Variants in ACAD8 observed in about 807,000 individuals in gnomAD.
ACAD8 encodes isobutyryl-CoA dehydrogenase, mitochondrial.
In ACAD8, 47 loss-of-function variants were observed where a neutral mutation model predicts 53.1. That is an observed-to-expected ratio of 0.89 (90% CI 0.70 to 1.13). The LOEUF (loss-of-function observed/expected upper bound fraction) is 1.13, where lower values mean the gene tolerates loss of function less well. Ranked by LOEUF, ACAD8 falls within the 50% of genes most tolerant of loss-of-function variation. ACAD8 has a pLI of 0.00. For synonymous variants in ACAD8, 198 were observed against 201.3 expected, an observed-to-expected ratio of 0.98 and a Z score of 0.14; for missense variants, 494 against 535.0, an observed-to-expected ratio of 0.92 and a Z score of 0.76.
chr11:134,256,978 G>T, intron 2 of ACAD8, 110 bp from the exon 3 acceptor site: 1 of 1,158,212 alleles, frequency 8.6e-7, no homozygotes, highest in Non-Finnish European at 1.3e-6. Flanking sequence ...CATATTAAGA[G>T]AATTCATACG....
intron 1 of ACAD8, 111 bp downstream of exon 1, chr11:134,253,820 C>G (rs1939277025): frequency 8.5e-7 from 1 of 1,175,630 alleles, no homozygotes; most frequent in Non-Finnish European, 1.2e-6. Flanking sequence ...CGTCAGCTCC[C>G]CTTCCGGCCA....
intron 10 of ACAD8, chr11:134,262,887 TAATG>T (rs1939979464): frequency 1.1e-5 from 15 of 1,358,888 alleles, no homozygotes; most frequent in Non-Finnish European, 1.4e-5. Context: ...TGAACTGAGA[TAATG>T]GATGAGAAAG....
At chr11:134,256,831 T>C (rs1429771069) in intron 2 of ACAD8, 183 bp downstream of exon 2, 2 of 681,930 alleles carry the variant, frequency 2.9e-6, no homozygotes, top group African/African-American at 1.8e-5. Flanking sequence ...TACATAACTT[T>C]TTTTTTGTTA....
In ACAD8 at chr11:134,261,547, T is replaced by G. The variant is rs2136082967; in HGVS notation, c.939+175T>G. 1 of 1,524,022 alleles carries G rather than the reference T, an allele frequency of 6.6e-7. No homozygotes were observed. Among genetic ancestry groups the G allele is most frequent in the Admixed American group, 2.0e-5 (1 of 50,880 alleles). 94.4% of individuals were successfully genotyped at this position (1,524,022 alleles called of 1,614,324 possible). On this transcript the variant is annotated intron_variant, in intron 8 of 10. Coordinates refer to ENST00000281182, the MANE Select transcript of ACAD8 (RefSeq NM_014384.3). This position sits in a 1 kb window ranked among gnomAD's most constrained non-coding sequence, Gnocchi z 4.2. ...TTTTCTTGGGATATCTTTAACGATA[T>G]TAAAGTGTCGGGTGAGTGAAGTGGA...
chr11:134,258,596 GT>G lies in ACAD8; in HGVS notation c.465del (p.Phe155LeufsTer19), dbSNP rs1489085165. Reference protein sequence around the residue: ...FCPPLCTMEKFASYCLTEPGS... With the variant: ...FCPPLCTMEKXASYCLTEPGS... ...GCCCACCGCTCTGTACCATGGAGAA[GT>G]TTGCTTCCTACTGCCTCACTGAACC... is the stretch of plus-strand genomic sequence containing the variant. On this transcript the variant is annotated frameshift_variant, in exon 4 of 11. Transcript: ENST00000281182. LOFTEE classifies it high-confidence loss of function. 1.7e-5 allele frequency: 27 copies of G among 1,613,968 alleles called. No homozygotes were observed. The highest frequency in any genetic ancestry group is 2.3e-5 in the Non-Finnish European group (27 of 1,179,938).
intron 1 of ACAD8, among the ~76,000 whole-genome samples, 178 bp downstream of exon 1, chr11:134,253,887 C>G (rs906077468): frequency 1.7e-4 from 25 of 150,800 alleles, no homozygotes; most frequent in African/African-American, 6.1e-4. Flanking sequence ...CTGGCTGCCC[C>G]CTCCGGTCGG....
chr11:134,258,585 A>G lies in ACAD8; in HGVS notation c.451A>G (p.Thr151Ala). The G allele has an allele frequency of 1.2e-6, 2 of 1,614,002 alleles. No homozygotes were observed. Among genetic ancestry groups the G allele is most frequent in the Non-Finnish European group, 1.7e-6 (2 of 1,179,974 alleles). ...GCACAAATTTTGCCCACCGCTCTGT[A>G]CCATGGAGAAGTTTGCTTCCTACTG... is the stretch of plus-strand genomic sequence containing the variant. The part of the protein sequence containing the change: ...QRHKFCPPLC[T>A]MEKFASYCLT... Residue 151 changes from threonine to alanine, a missense_variant, in exon 4 of 11, where the codon ACC (threonine) becomes GCC (alanine). Thr to Ala is a moderately conservative substitution (Grantham distance 58). Coordinates refer to ENST00000281182, the MANE Select transcript of ACAD8 (RefSeq NM_014384.3).
intron 10 of ACAD8, chr11:134,263,239 G>A: frequency 1.0e-6 from 1 of 1,004,460 alleles, no homozygotes; most frequent in Non-Finnish European, 1.2e-6. Context: ...TGGAAAAGCA[G>A]GAGGGGCAGA....
chr11:134,256,447 C>A, intron 1 of ACAD8, 101 bp from the exon 2 acceptor site: 1 of 870,464 alleles, frequency 1.1e-6, no homozygotes, highest in East Asian at 2.4e-5. Context: ...GGAAATACTA[C>A]AGTAGATCCA....
chr11:134,258,752 G>A (rs938362128), intron 4 of ACAD8, 128 bp downstream of exon 4: 1 of 805,630 alleles, frequency 1.2e-6, no homozygotes, highest in Non-Finnish European at 2.1e-6. Flanking sequence ...TGGTTGAGGA[G>A]TAATAGAGTC....
Position 134,261,432 on chromosome 11 carries a change from G to C in ACAD8, c.939+60G>C. The C allele has an allele frequency of 6.3e-7, 1 of 1,584,372 alleles. No homozygotes were observed. The highest frequency in any genetic ancestry group is 2.2e-5 in the East Asian group (1 of 44,692). ...TATTTGCAGCCCGGGACCTGCTCTA[G>C]GGCCCACATTTCCAGGAGAGAAGCC... On this transcript the variant is annotated intron_variant, in intron 8 of 10. Coordinates refer to ENST00000281182, the MANE Select transcript of ACAD8 (RefSeq NM_014384.3). The surrounding 1 kb of genome is among the most constrained non-coding windows in gnomAD (Gnocchi z 4.2).
At chr11:134,260,255 C>T (rs548649127) in intron 6 of ACAD8, 30 of 1,023,932 alleles carry the variant, frequency 2.9e-5, no homozygotes, top group East Asian at 1.6e-4. Context: ...TAAGAGCCGC[C>T]ATGGCCAGGG....
At chr11:134,263,001 A>G (rs1471934738) in intron 10 of ACAD8, 1 of 1,204,278 alleles carries the variant, frequency 8.3e-7, no homozygotes, top group Non-Finnish European at 1.1e-6. Flanking sequence ...GTGAGCCAGT[A>G]TGGTCATCAG....
chr11:134,261,671 G>A lies in ACAD8; in HGVS notation c.940-67G>A, dbSNP rs1939888438. The A allele has an allele frequency of 6.2e-7, 1 of 1,607,024 alleles. No homozygotes were observed. Among genetic ancestry groups the A allele is most frequent in the Non-Finnish European group, 8.5e-7 (1 of 1,179,716 alleles). On this transcript the variant is annotated intron_variant, in intron 8 of 10. Transcript: ENST00000281182. This position sits in a 1 kb window ranked among gnomAD's most constrained non-coding sequence, Gnocchi z 4.2. ...AGGCGCCTCCGAGATGTCTTACCGA[G>A]GCTCCTGCACCAGGTGCTGGTCTAA... is the stretch of plus-strand genomic sequence containing the variant.
rs186756646 is a variant in ACAD8, at chr11:134,258,615, A to G, written c.481A>G (p.Thr161Ala). ...TMEKFASYCL[T>A]EPGSGSDAAS... ...GGAGAAGTTTGCTTCCTACTGCCTC[A>G]CTGAACCAGGTGAATTTGCCACACT... The change falls in exon 4 of 11, where the codon ACT (threonine) becomes GCT (alanine). Residue 161 changes from threonine (T) to alanine (A), a missense_variant. Physicochemically the swap from Thr to Ala is moderately conservative, Grantham distance 58 (BLOSUM62 0). Coordinates refer to ENST00000281182, the MANE Select transcript of ACAD8 (RefSeq NM_014384.3). 4.6e-5 allele frequency: 75 copies of G among 1,613,476 alleles called. No individual in the cohort carries two copies. The highest frequency in any genetic ancestry group is 4.0e-4 in the Admixed American group (24 of 59,970).
Position 134,259,756 on chromosome 11 carries a change from G to C in ACAD8, c.705+11G>C. The C allele has an allele frequency of 4.3e-6, 7 of 1,614,204 alleles. No individual in the cohort carries two copies. The highest frequency in any genetic ancestry group is 5.9e-6 in the Non-Finnish European group (7 of 1,180,046). On this transcript the variant is annotated intron_variant, in intron 6 of 10. Transcript: ENST00000281182. ...AAGAAGGAGAAAAAGGTGAGTGGCT[G>C]TTGGACAGGAAACAATTCAGGTTAT... is the stretch of plus-strand genomic sequence containing the variant.
intron 6 of ACAD8, chr11:134,260,534 G>A (rs1213575437): frequency 9.7e-6 from 2 of 206,150 alleles, no homozygotes; most frequent in African/African-American, 4.7e-5. Flanking sequence ...CCTTCTCTTT[G>A]GTAACACAGC....
At chr11:134,264,309 C>CACTCCAGCCTGGGTGACAGTGAG (rs1301361116) in intron 10 of ACAD8, among the ~76,000 whole-genome samples, 1 of 152,156 alleles carries the variant, frequency 6.6e-6, no homozygotes, top group African/African-American at 2.4e-5. Context: ...TGCACCATCG[C>CACTCCAGCCTGGGTGACAGTGAG]ACTCCAGCCT....
chr11:134,261,838 C>T lies in ACAD8; in HGVS notation c.1040C>T (p.Ala347Val), dbSNP rs903387699. ...GCTCTGCAGGAGGAGAGGAAGGATG[C>T]AGTGGCCTTGTGCTCCATGGCCAAG... ...AVALQEERKD[A>V]VALCSMAKLF... The change falls in exon 9 of 11, where the codon GCA (alanine) becomes GTA (valine). Residue 347 changes from alanine to valine, a missense_variant. Ala to Val is a moderately conservative substitution (Grantham distance 64). Coordinates refer to ENST00000281182, the MANE Select transcript of ACAD8 (RefSeq NM_014384.3). This position sits in a 1 kb window ranked among gnomAD's most constrained non-coding sequence, Gnocchi z 4.2. 2 of 1,614,180 alleles carry T rather than the reference C, an allele frequency of 1.2e-6. No individual in the cohort carries two copies. The highest frequency in any genetic ancestry group is 1.7e-6 in the Non-Finnish European group (2 of 1,180,036).
Sources: gnomAD v4.1 joint callset for allele counts (sites outside exome capture counted in the v4.1 genomes callset) on GRCh38, gnomAD v4.1.1 for gene constraint, Gnocchi (gnomAD v3.1) non-coding constraint, MANE v1.5 for transcripts, NCBI Gene and HGNC (gene_info 2026-07-23, HGNC 2026-07-21) for gene names.